Variants in GABRG3 observed in about 807,000 individuals in gnomAD.
The protein encoded by GABRG3 is gamma-aminobutyric acid receptor subunit gamma-3.
Under a neutral mutation model 48.8 loss-of-function variants are expected in GABRG3, and 25 were observed. That is an observed-to-expected ratio of 0.51 (90% CI 0.37 to 0.72). The LOEUF (loss-of-function observed/expected upper bound fraction) is 0.72. Among genes scored for constraint, GABRG3 ranks in the 30% least tolerant of loss-of-function variants. The pLI, the probability that GABRG3 is intolerant of heterozygous loss-of-function variation, is 0.00. For missense variants in GABRG3, 394 were observed against 577.9 expected (o/e 0.68, Z 3.26); for synonymous variants, 227 against 217.6 (o/e 1.04, Z -0.38).
At position 27,539,853 on chromosome 15, in the gene GABRG3, T is replaced by G. The variant is rs998917237; in HGVS notation, c.*6972T>G. The stretch of plus-strand genomic sequence containing the variant: ...TTAAGCAATTAAAGACTCCTTCCAA[T>G]GTAATTAAAAAATAAGTAATGTGGC... On this transcript the variant is annotated 3_prime_UTR_variant, in exon 10 of 10. Transcript: ENST00000615808. 5.9e-5 allele frequency: 9 copies of G among 152,172 alleles called. No homozygotes were observed. The highest frequency in any genetic ancestry group is 1.9e-4 in the African/African-American group (8 of 41,440). The allele number at this position is 152,172 out of a possible 1,614,324, so 9.4% of individuals were successfully genotyped here. A position where few individuals can be genotyped will look rare whatever the true frequency, so the allele number is the denominator to read the frequency against.
intron 3 of GABRG3, among the ~76,000 whole-genome samples, chr15:27,111,116 G>C (rs1411561893): frequency 6.6e-6 from 1 of 151,924 alleles, no homozygotes; most frequent in Non-Finnish European, 1.5e-5. Context: ...GTTTCAGTTT[G>C]TGCAGTTTCT....
chr15:27,535,346 T>C lies in GABRG3; in HGVS notation c.*2465T>C, dbSNP rs1407043970. 3 of 152,256 alleles carry C rather than the reference T, an allele frequency of 2.0e-5. No homozygotes were observed. The highest frequency in any genetic ancestry group is 4.4e-5 in the Non-Finnish European group (3 of 68,036). 9.4% of individuals were successfully genotyped at this position (152,256 alleles called of 1,614,324 possible). A position where few individuals can be genotyped will look rare whatever the true frequency, so the allele number is the denominator to read the frequency against. On this transcript the variant is annotated 3_prime_UTR_variant, in exon 10 of 10. Transcript: ENST00000615808. ...TGATTTTACCTTAAAAGAATTTTACTGATGCCTTGTGTTTCAAAACCACTC... is the reference window on the plus strand; with the variant it reads ...TGATTTTACCTTAAAAGAATTTTACCGATGCCTTGTGTTTCAAAACCACTC...
At chr15:27,094,371 C>T (rs149603046) in intron 3 of GABRG3, among the ~76,000 whole-genome samples, 86 of 152,276 alleles carry the variant, frequency 5.6e-4, no homozygotes, top group African/African-American at 2.0e-3. Context: ...TTTATTGCAC[C>T]AGCTGCCTTC....
chr15:27,313,258 G>GTA (rs1893070652), intron 3 of GABRG3, among the ~76,000 whole-genome samples: 14 of 53,024 alleles, frequency 2.6e-4, no homozygotes, highest in East Asian at 6.9e-4. Flanking sequence ...GTGTGTGTGT[G>GTA]TGTGTATATA....
At chr15:27,313,279 TATA>T (rs2140508910) in intron 3 of GABRG3, among the ~76,000 whole-genome samples, 1 of 81,190 alleles carries the variant, frequency 1.2e-5, no homozygotes, top group Non-Finnish European at 2.3e-5. Flanking sequence ...TATATATATA[TATA>T]TATATATATA....
At chr15:27,282,854 G>C (rs1215148814) in intron 3 of GABRG3, among the ~76,000 whole-genome samples, 3 of 152,092 alleles carry the variant, frequency 2.0e-5, no homozygotes, top group African/African-American at 7.2e-5. Context: ...TACCTCATCA[G>C]TCCTCTGCTA....
chr15:27,491,876 T>C (rs755487516), intron 6 of GABRG3, among the ~76,000 whole-genome samples: 3 of 152,188 alleles, frequency 2.0e-5, no homozygotes, highest in Non-Finnish European at 4.4e-5. Context: ...ATTTAGGCAG[T>C]ATGCATCGCT....
chr15:26,987,427 C>T (rs1394131215), intron 2 of GABRG3, among the ~76,000 whole-genome samples: 1 of 152,226 alleles, frequency 6.6e-6, no homozygotes. Context: ...TCCAAGACAT[C>T]TTACAGATCC....
At chr15:27,369,806 C>CAAAAAAAAAAAAAAAAAA (rs34901488) in intron 5 of GABRG3, among the ~76,000 whole-genome samples, 2 of 30,270 alleles carry the variant, frequency 6.6e-5, no homozygotes, top group African/African-American at 9.0e-5. Context: ...GACTCCGTCT[C>CAAAAAAAAAAAAAAAAAA]AAAAAAAAAA....
chr15:27,311,858 G>T (rs982010344), intron 3 of GABRG3, among the ~76,000 whole-genome samples: 3 of 152,096 alleles, frequency 2.0e-5, no homozygotes, highest in African/African-American at 7.2e-5. Context: ...AGGGTCTTTT[G>T]TATGAGACTA....
intron 3 of GABRG3, among the ~76,000 whole-genome samples, chr15:27,190,978 A>AT (rs1429436988): frequency 5.3e-5 from 8 of 152,122 alleles, no homozygotes; most frequent in South Asian, 2.1e-4. Context: ...TCATTTCGTT[A>AT]TGTACCCAGT....
intron 3 of GABRG3, among the ~76,000 whole-genome samples, chr15:27,302,027 C>G (rs997099736): frequency 6.6e-6 from 1 of 151,948 alleles, no homozygotes; most frequent in African/African-American, 2.4e-5. Context: ...TCTGACCATC[C>G]TTAAAAATTA....
At chr15:27,434,660 C>T (rs1019220711) in intron 5 of GABRG3, among the ~76,000 whole-genome samples, 41 of 152,008 alleles carry the variant, frequency 2.7e-4, no homozygotes, top group African/African-American at 9.9e-4. Flanking sequence ...TAACAACAGT[C>T]CCTTCATATT....
chr15:27,255,004 G>A (rs1046623924), intron 3 of GABRG3, among the ~76,000 whole-genome samples: 4 of 152,046 alleles, frequency 2.6e-5, no homozygotes, highest in African/African-American at 7.2e-5. Context: ...TGCCTCCCAC[G>A]GCCACTCTGG....
At chr15:27,499,778 G>A (rs1427994840) in intron 6 of GABRG3, among the ~76,000 whole-genome samples, 7 of 152,220 alleles carry the variant, frequency 4.6e-5, no homozygotes, top group African/African-American at 9.6e-5. Context: ...TCTGGGGGCC[G>A]AGGAAAGCCC....
chr15:27,060,439 G>A (rs753072230), intron 3 of GABRG3, among the ~76,000 whole-genome samples: 1 of 152,234 alleles, frequency 6.6e-6, no homozygotes. Context: ...GGAACTAACA[G>A]ACTGTGTCAT....
At chr15:26,972,380 C>T (rs1796766705) in intron 1 of GABRG3, among the ~76,000 whole-genome samples, 1 of 152,142 alleles carries the variant, frequency 6.6e-6, no homozygotes, top group Admixed American at 6.5e-5. Flanking sequence ...GACAGTGGGA[C>T]CCAAAGGGTT....
intron 3 of GABRG3, among the ~76,000 whole-genome samples, chr15:27,145,344 AT>A (rs1177182576): frequency 1.2e-4 from 18 of 152,086 alleles, no homozygotes; most frequent in South Asian, 2.1e-4. Context: ...TAAAAAAAAA[AT>A]AGAGCATATA....
intron 2 of GABRG3, among the ~76,000 whole-genome samples, chr15:27,018,927 T>A (rs1242056922): frequency 6.6e-6 from 1 of 152,042 alleles, no homozygotes; most frequent in African/African-American, 2.4e-5. Flanking sequence ...TGTGGATAGG[T>A]TTAATATAAT....
Sources: gnomAD v4.1 joint callset for allele counts (sites outside exome capture counted in the v4.1 genomes callset) on GRCh38, gnomAD v4.1.1 for gene constraint, MANE v1.5 for transcripts, NCBI Gene and HGNC (gene_info 2026-07-23, HGNC 2026-07-21) for gene names.